PRDM12: variants seen among roughly 807,000 people sequenced by gnomAD.
PRDM12 encodes the protein PR/SET domain 12.
PRDM12 carries 17 observed loss-of-function variants against 29.6 expected under a neutral mutation model. The observed-to-expected ratio is 0.57, with a 90% CI of 0.39 to 0.86. The LOEUF (loss-of-function observed/expected upper bound fraction) is 0.86. PRDM12 is among the 40% of genes least tolerant of loss of function. PRDM12 has a pLI of 0.00. For missense variants in PRDM12, 422 were observed against 510.8 expected, an observed-to-expected ratio of 0.83 and a Z score of 1.68; for synonymous variants, 231 against 225.8, an observed-to-expected ratio of 1.02 and a Z score of -0.21.
intron 3 of PRDM12, among the ~76,000 whole-genome samples, chr9:130,674,012 T>TC (rs1830813337): frequency 1.0e-4 from 2 of 19,392 alleles, no homozygotes; most frequent in South Asian, 8.8e-3. Flanking sequence ...CTTTCTTTCT[T>TC]TTTTTTTTTT....
In PRDM12 at chr9:130,671,360, A is replaced by C. The variant is rs181279377; in HGVS notation, c.570+3047A>C. 8.3e-4 allele frequency among the ~76,000 whole-genome samples: 118 copies of C among 142,670 alleles called. 2 individuals are homozygous for C. The East Asian group carries it at 0.012, about 14-fold the overall frequency. 93.6% of individuals were successfully genotyped at this position (142,670 alleles called of 152,430 possible). A position where few individuals can be genotyped will look rare whatever the true frequency, so the allele number is the denominator to read the frequency against. The stretch of plus-strand genomic sequence containing the variant: ...TCCGTCTCAACAACAACAACAACAA[A>C]AAAAGAGGATCAGGACACACACACA... On this transcript the variant is annotated intron_variant, in intron 3 of 4. Coordinates refer to ENST00000253008, the MANE Select transcript of PRDM12 (RefSeq NM_021619.3).
chr9:130,676,286 C>T (rs1468637667), intron 3 of PRDM12, among the ~76,000 whole-genome samples: 1 of 152,004 alleles, frequency 6.6e-6, no homozygotes, highest in African/African-American at 2.4e-5. Flanking sequence ...ATCAGGAGAT[C>T]GAGACCATCC....
intron 4 of PRDM12, among the ~76,000 whole-genome samples, chr9:130,680,869 G>A (rs1329635023): frequency 6.6e-6 from 1 of 151,644 alleles, no homozygotes; most frequent in East Asian, 1.9e-4. Flanking sequence ...CACTGGCTAA[G>A]GCAGGTCGGG....
intron 3 of PRDM12, among the ~76,000 whole-genome samples, chr9:130,673,320 G>A (rs115751285): frequency 6.6e-6 from 1 of 152,188 alleles, no homozygotes; most frequent in Non-Finnish European, 1.5e-5. Flanking sequence ...AGGTTCCTGG[G>A]TTTCCCGGGC....
Position 130,681,275 on chromosome 9 carries a change from C to A in PRDM12, c.710C>A (p.Ala237Asp). 6.8e-7 allele frequency: 1 copy of A among 1,480,298 alleles called. No individual in the cohort carries two copies. Among genetic ancestry groups the A allele is most frequent in the South Asian group, 1.3e-5 (1 of 77,332 alleles). The allele number at this position is 1,480,298 out of a possible 1,614,324, so 91.7% of individuals were successfully genotyped here. A position where few individuals can be genotyped will look rare whatever the true frequency, so the allele number is the denominator to read the frequency against. The change falls in exon 5 of 5, where the codon GCT (alanine) becomes GAT (aspartate). Residue 237 changes from alanine (A) to aspartate (D), a missense_variant. Physicochemically the swap from Ala to Asp is moderately radical, Grantham distance 126. Transcript: ENST00000253008. This position sits in a 1 kb window ranked among gnomAD's most constrained non-coding sequence, Gnocchi z 8.1. ...HEDFHPADSA[A>D]GPAGRMRCVI... ...GACTTCCACCCGGCGGACTCGGCGG[C>A]TGGCCCCGCGGGCCGCATGCGATGC...
Position 130,668,315 on chromosome 9 carries a change from T to G in PRDM12, c.570+2T>G, listed in dbSNP as rs2132591563. On this transcript the variant is annotated splice_donor_variant, in intron 3 of 4. Coordinates refer to ENST00000253008, the MANE Select transcript of PRDM12 (RefSeq NM_021619.3). LOFTEE classifies it high-confidence loss of function. This position sits in a 1 kb window ranked among gnomAD's most constrained non-coding sequence, Gnocchi z 4.0. ...AGCATCTTCTACAAGGCCATTGAGG[T>G]GTGTGTGTGTGTGTGCACTGTTGTG... 3 of 1,493,678 alleles carry G rather than the reference T, an allele frequency of 2.0e-6. No individual in the cohort carries two copies. Among genetic ancestry groups the G allele is most frequent in the Non-Finnish European group, 2.7e-6 (3 of 1,101,602 alleles). 92.5% of individuals were successfully genotyped at this position (1,493,678 alleles called of 1,614,324 possible).
Position 130,681,761 on chromosome 9 carries a change from G to T in PRDM12, c.*92G>T. Reference sequence around the variant, plus strand: ...ACTCGCCCTCCAGCCCCAACCCCCGGCCCGGCGCCGCCGCGGAGCCCCGCG... The same window carrying T: ...ACTCGCCCTCCAGCCCCAACCCCCGTCCCGGCGCCGCCGCGGAGCCCCGCG... On this transcript the variant is annotated 3_prime_UTR_variant, in exon 5 of 5. Coordinates refer to ENST00000253008, the MANE Select transcript of PRDM12 (RefSeq NM_021619.3). The surrounding 1 kb of genome is among the most constrained non-coding windows in gnomAD (Gnocchi z 8.1). The T allele has an allele frequency of 1.1e-6, 1 of 949,766 alleles. No individual in the cohort carries two copies. The allele number at this position is 949,766 out of a possible 1,614,324, so 58.8% of individuals were successfully genotyped here.
At chr9:130,679,352 A>C (rs556450954) in intron 4 of PRDM12, among the ~76,000 whole-genome samples, 125 of 52,950 alleles carry the variant, frequency 2.4e-3, no homozygotes, top group African/African-American at 0.01. Flanking sequence ...TTTTTTTTTG[A>C]GACTGAGTTT....
intron 4 of PRDM12, among the ~76,000 whole-genome samples, chr9:130,679,303 A>ATTT (rs1041351965): frequency 1.6e-5 from 2 of 122,658 alleles, no homozygotes; most frequent in African/African-American, 5.8e-5. Context: ...ACCTCTGTGT[A>ATTT]TTTTTTTTCT....
rs571286954 is a variant in PRDM12, at chr9:130,672,214, T to A, written c.570+3901T>A. On this transcript the variant is annotated intron_variant, in intron 3 of 4. Transcript: ENST00000253008. Reference sequence around the variant, plus strand: ...TCTTAGCAACTTTTTTATTATTATTTTTTTTGAGATGGAGTCTTACTCTGT... The same window carrying A: ...TCTTAGCAACTTTTTTATTATTATTATTTTTGAGATGGAGTCTTACTCTGT... Among the ~76,000 whole-genome samples, 5 of 152,322 alleles carry A rather than the reference T, an allele frequency of 3.3e-5. 1 individual carries two copies. In the East Asian group the frequency reaches 9.7e-4, roughly 29 times the overall value.
chr9:130,681,842 G>A lies in PRDM12; in HGVS notation c.*173G>A. The A allele has an allele frequency of 5.5e-6, 3 of 543,920 alleles. No individual in the cohort carries two copies. The highest frequency in any genetic ancestry group is 7.0e-6 in the Non-Finnish European group (3 of 426,708). 33.7% of individuals were successfully genotyped at this position (543,920 alleles called of 1,614,324 possible). On this transcript the variant is annotated 3_prime_UTR_variant, in exon 5 of 5. Coordinates refer to ENST00000253008, the MANE Select transcript of PRDM12 (RefSeq NM_021619.3). The surrounding 1 kb of genome is among the most constrained non-coding windows in gnomAD (Gnocchi z 8.1). The stretch of plus-strand genomic sequence containing the variant: ...AGGCACCCCCGCCTTGGCCCGTGTC[G>A]CAGATGAGGACACTGAGGGCGGCGT...
At chr9:130,670,750 C>T (rs1312326627) in intron 3 of PRDM12, among the ~76,000 whole-genome samples, 1 of 152,184 alleles carries the variant, frequency 6.6e-6, no homozygotes, top group Non-Finnish European at 1.5e-5. Flanking sequence ...GGCTCCAACC[C>T]ATCCCCTCAC....
chr9:130,681,567 G>A lies in PRDM12; in HGVS notation c.1002G>A (p.Ser334=), dbSNP rs747226470. The change falls in exon 5 of 5, where the codon TCG becomes TCA. Residue 334 remains serine, a synonymous_variant. Transcript: ENST00000253008. The surrounding 1 kb of genome is among the most constrained non-coding windows in gnomAD (Gnocchi z 8.1). The part of the protein sequence containing the change: ...RPPSTALQAH[S]PALPAPHAHA... The stretch of plus-strand genomic sequence containing the variant: ...CCAGCACCGCGCTGCAGGCACACTC[G>A]CCCGCGCTGCCCGCCCCGCACGCGC... The A allele has an allele frequency of 1.8e-5, 22 of 1,204,436 alleles. No individual in the cohort carries two copies. The highest frequency in any genetic ancestry group is 4.8e-5 in the African/African-American group (3 of 62,902). The allele number at this position is 1,204,436 out of a possible 1,614,324, so 74.6% of individuals were successfully genotyped here.
At chr9:130,673,975 T>C (rs1204754736) in intron 3 of PRDM12, among the ~76,000 whole-genome samples, 1 of 150,604 alleles carries the variant, frequency 6.6e-6, no homozygotes, top group Non-Finnish European at 1.5e-5. Flanking sequence ...CTGGCTATTA[T>C]TTTTTCTTTT....
intron 1 of PRDM12, among the ~76,000 whole-genome samples, 195 bp downstream of exon 1, chr9:130,665,071 C>A (rs946553514): frequency 2.0e-5 from 3 of 152,212 alleles, no homozygotes; most frequent in Non-Finnish European, 4.4e-5. Flanking sequence ...AGCTCCGCAG[C>A]CCACCCGGCT....
intron 4 of PRDM12, among the ~76,000 whole-genome samples, chr9:130,679,977 G>T (rs1830878936): frequency 6.6e-6 from 1 of 152,082 alleles, no homozygotes; most frequent in African/African-American, 2.4e-5. Context: ...ATTTTTGGAG[G>T]ATGAACCTGA....
intron 4 of PRDM12, among the ~76,000 whole-genome samples, chr9:130,680,660 T>TATATATATATATATATATA (rs1554753125): frequency 5.1e-4 from 25 of 49,332 alleles, no homozygotes; most frequent in East Asian, 6.6e-4. Flanking sequence ...TATATATATA[T>TATATATATATATATATATA]TTTTTTTTTT....
intron 3 of PRDM12, 61 bp from the exon 4 acceptor site, chr9:130,678,468 C>G (rs896123095): frequency 4.8e-6 from 6 of 1,258,928 alleles, no homozygotes; most frequent in African/African-American, 1.5e-5. Context: ...TGCTCAGAGA[C>G]CCCCAACTCT....
chr9:130,673,662 ATTTTTTTTTT>A (rs35312514), intron 3 of PRDM12, among the ~76,000 whole-genome samples: 1,532 of 86,304 alleles, frequency 0.018, 38 homozygotes, highest in African/African-American at 0.071. Context: ...CTCACGGCTA[ATTTTTTTTTT>A]TTTTTTTTTT....
Sources: allele counts gnomAD v4.1 joint callset (sites outside exome capture counted in the v4.1 genomes callset), GRCh38; gene constraint gnomAD v4.1.1; non-coding constraint Gnocchi (gnomAD v3.1); transcripts MANE v1.5; gene names NCBI Gene and HGNC (gene_info 2026-07-23, HGNC 2026-07-21).